The following FGGY variants were observed in gnomAD, a reference collection of about 807,000 sequenced individuals.
FGGY encodes the protein FGGY carbohydrate kinase domain containing.
In FGGY, 72 loss-of-function variants were observed where a neutral mutation model predicts 71.3. That is an observed-to-expected ratio of 1.01 (90% confidence interval 0.84 to 1.23). The LOEUF (loss-of-function observed/expected upper bound fraction) is 1.23, where lower values mean the gene tolerates loss of function less well. Among genes scored for constraint, FGGY ranks in the 50% most tolerant of loss-of-function variants. The pLI, the probability that FGGY is intolerant of heterozygous loss-of-function variation, is 0.00. For synonymous variants in FGGY, 251 were observed against 250.3 expected, an observed-to-expected ratio of 1.00 and a Z score of -0.02; for missense variants, 668 against 682.3, an observed-to-expected ratio of 0.98 and a Z score of 0.23.
intron 1 of FGGY, among the ~76,000 whole-genome samples, chr1:59,301,874 C>T (rs1038338820): frequency 4.0e-5 from 6 of 149,988 alleles, no homozygotes; most frequent in East Asian, 3.9e-4. Context: ...CCACCACACC[C>T]AGCTGATTTT....
chr1:59,680,100 G>A (rs1053769295), intron 14 of FGGY, among the ~76,000 whole-genome samples: 2 of 152,054 alleles, frequency 1.3e-5, no homozygotes, highest in South Asian at 4.1e-4. Flanking sequence ...CTCTTGCCAT[G>A]GATTTTAGTT....
chr1:59,738,571 T>C (rs758824674), intron 14 of FGGY, among the ~76,000 whole-genome samples: 3 of 152,114 alleles, frequency 2.0e-5, no homozygotes, highest in Admixed American at 6.5e-5. Context: ...ATAATCATGA[T>C]TGGGAAGTTG....
chr1:59,588,577 T>C (rs946668368), intron 8 of FGGY, among the ~76,000 whole-genome samples: 9 of 152,114 alleles, frequency 5.9e-5, no homozygotes, highest in Non-Finnish European at 1.2e-4. Context: ...CCCATCAGAC[T>C]AACAGCAGAT....
intron 3 of FGGY, among the ~76,000 whole-genome samples, chr1:59,340,496 AC>A (rs1458198056): frequency 6.6e-6 from 1 of 152,180 alleles, no homozygotes; most frequent in Non-Finnish European, 1.5e-5. Context: ...AACATGGTAG[AC>A]AGGGCCATGT....
At chr1:59,362,939 A>G (rs576278974) in intron 4 of FGGY, among the ~76,000 whole-genome samples, 1 of 152,168 alleles carries the variant, frequency 6.6e-6, no homozygotes, top group Non-Finnish European at 1.5e-5. Context: ...ATTTTTTTGC[A>G]AAGTCAAGAA....
intron 5 of FGGY, among the ~76,000 whole-genome samples, chr1:59,447,578 A>G (rs946453398): frequency 1.1e-4 from 16 of 152,104 alleles, no homozygotes; most frequent in African/African-American, 7.2e-5. Flanking sequence ...CCCATGTGTT[A>G]TGGGAGGGAC....
At chr1:59,691,669 T>G (rs2154002892) in intron 14 of FGGY, among the ~76,000 whole-genome samples, 1 of 151,424 alleles carries the variant, frequency 6.6e-6, no homozygotes, top group Non-Finnish European at 1.5e-5. Flanking sequence ...ACTGTATGTT[T>G]CAAAGGGAAA....
chr1:59,611,681 T>G (rs1404778871), intron 9 of FGGY, among the ~76,000 whole-genome samples: 1 of 152,194 alleles, frequency 6.6e-6, no homozygotes, highest in African/African-American at 2.4e-5. Flanking sequence ...GAAGAAGGCT[T>G]CAGACGATCA....
chr1:59,345,152 G>C (rs1345529733), intron 3 of FGGY, among the ~76,000 whole-genome samples: 1 of 152,168 alleles, frequency 6.6e-6, no homozygotes, highest in Non-Finnish European at 1.5e-5. Context: ...AAAATGTTTA[G>C]CACAGGGCTT....
intron 7 of FGGY, among the ~76,000 whole-genome samples, chr1:59,517,665 GT>G (rs2094702093): frequency 6.6e-6 from 1 of 152,082 alleles, no homozygotes; most frequent in African/African-American, 2.4e-5. Flanking sequence ...GCGCTTGCAG[GT>G]TTGTGTGTGC....
intron 6 of FGGY, among the ~76,000 whole-genome samples, chr1:59,473,283 G>C (rs2153552252): frequency 6.6e-6 from 1 of 152,046 alleles, no homozygotes; most frequent in South Asian, 2.1e-4. Flanking sequence ...CGGCTTAAGA[G>C]CTGTAACACT....
chr1:59,462,943 C>A (rs1165054763), intron 6 of FGGY, among the ~76,000 whole-genome samples: 5 of 151,918 alleles, frequency 3.3e-5, no homozygotes, highest in Non-Finnish European at 7.4e-5. Context: ...TTTGACCCAG[C>A]CATCCCATTA....
At chr1:59,402,241 G>A (rs656357) in intron 5 of FGGY, among the ~76,000 whole-genome samples, 2,959 of 152,250 alleles carry the variant, frequency 0.019, 97 homozygotes, top group African/African-American at 0.068. Context: ...GACAGAGCAC[G>A]GACATGTAGC....
intron 13 of FGGY, among the ~76,000 whole-genome samples, chr1:59,673,457 G>A (rs2097401056): frequency 6.6e-6 from 1 of 152,202 alleles, no homozygotes; most frequent in Non-Finnish European, 1.5e-5. Flanking sequence ...CAGAGAGGGA[G>A]AAGTGGGGCC....
At chr1:59,711,454 C>G (rs1247470990) in intron 14 of FGGY, among the ~76,000 whole-genome samples, 1 of 152,122 alleles carries the variant, frequency 6.6e-6, no homozygotes, top group Non-Finnish European at 1.5e-5. Context: ...AAAACAACAA[C>G]AAAGAAAGAA....
chr1:59,576,751 A>G (rs1477731789), intron 8 of FGGY, among the ~76,000 whole-genome samples: 1 of 151,858 alleles, frequency 6.6e-6, no homozygotes, highest in Non-Finnish European at 1.5e-5. Context: ...CTTCCAAAGC[A>G]TTCAGGGCAA....
At chr1:59,384,079 C>T (rs115533644) in intron 5 of FGGY, among the ~76,000 whole-genome samples, 2,565 of 152,310 alleles carry the variant, frequency 0.017, 75 homozygotes, top group African/African-American at 0.059. Context: ...TCTAGCCTTG[C>T]CTTTGACAAT....
At chr1:59,426,748 G>A (rs529590541) in intron 5 of FGGY, among the ~76,000 whole-genome samples, 7 of 151,848 alleles carry the variant, frequency 4.6e-5, no homozygotes, top group East Asian at 3.9e-4. Context: ...TGCTTGCTCC[G>A]CAATCCCTAG....
intron 6 of FGGY, 132 bp downstream of exon 6, chr1:59,457,208 G>A (rs1371113873): frequency 4.6e-6 from 3 of 657,966 alleles, no homozygotes; most frequent in Non-Finnish European, 5.4e-6. Flanking sequence ...CTTTTTCCAA[G>A]ACAAATGAGT....
Sources: gnomAD v4.1 joint callset for allele counts (sites outside exome capture counted in the v4.1 genomes callset) on GRCh38, gnomAD v4.1.1 for gene constraint, MANE v1.5 for transcripts, NCBI Gene and HGNC (gene_info 2026-07-23, HGNC 2026-07-21) for gene names.